The following CAPN9 variants were observed in gnomAD, a reference collection of about 807,000 sequenced individuals.
CAPN9 encodes calpain-9.
In CAPN9, 81 loss-of-function variants were observed where a neutral mutation model predicts 92.8. The ratio of observed to expected loss-of-function variants is 0.87; its 90% CI spans 0.73 to 1.05. The LOEUF (loss-of-function observed/expected upper bound fraction) is 1.05. Ranked by LOEUF, CAPN9 falls within the 50% of genes least tolerant of loss-of-function variation. The pLI, the probability that CAPN9 is intolerant of heterozygous loss-of-function variation, is 0.00. For missense variants in CAPN9, 848 were observed against 866.2 expected (o/e 0.98, Z 0.26); for synonymous variants, 304 against 328.0 (o/e 0.93, Z 0.79).
intron 1 of CAPN9, among the ~76,000 whole-genome samples, chr1:230,754,518 A>C (rs1339118004): frequency 6.6e-6 from 1 of 151,884 alleles, no homozygotes; most frequent in Non-Finnish European, 1.5e-5. Context: ...TGTAAAAAGA[A>C]ACACTGAGCA....
At chr1:230,753,493 A>T (rs1015758151) in intron 1 of CAPN9, among the ~76,000 whole-genome samples, 1 of 152,148 alleles carries the variant, frequency 6.6e-6, no homozygotes, top group African/African-American at 2.4e-5. Flanking sequence ...AATCCCCTTG[A>T]CTTCAAAGAA....
chr1:230,790,748 T>G (rs1287138263), intron 14 of CAPN9, among the ~76,000 whole-genome samples: 1 of 152,196 alleles, frequency 6.6e-6, no homozygotes, highest in Non-Finnish European at 1.5e-5. Context: ...AAGACCAGCC[T>G]GGTCAACATG....
chr1:230,748,073 C>T (rs1169945215), intron 1 of CAPN9, among the ~76,000 whole-genome samples: 2 of 152,156 alleles, frequency 1.3e-5, no homozygotes, highest in Non-Finnish European at 1.5e-5. Context: ...ACTGAGATCA[C>T]GTTATGCACA....
chr1:230,776,125 C>T lies in CAPN9; in HGVS notation c.953+1494C>T, dbSNP rs116070473. On this transcript the variant is annotated intron_variant, in intron 8 of 19. Coordinates refer to ENST00000271971, the MANE Select transcript of CAPN9 (RefSeq NM_006615.3). ...ATTTATTTCTCACAGTTCTAGATACCAGGAAGTCCAAGAAGATGACACAGG... is the reference window on the plus strand; with the variant it reads ...ATTTATTTCTCACAGTTCTAGATACTAGGAAGTCCAAGAAGATGACACAGG... The T allele has an allele frequency of 8.4e-4, 128 of 152,130 alleles. 3 individuals carry two copies. Among genetic ancestry groups the T allele is most frequent in the African/African-American group, 3.0e-3 (125 of 41,482 alleles). 9.4% of individuals were successfully genotyped at this position (152,130 alleles called of 1,614,324 possible).
In CAPN9 at chr1:230,778,956, T is replaced by G; in HGVS notation, c.954-17T>G. ...CTCTTGCCCTCCTGTGCATCGTGTCTCTCCGCTTTGCTGCAGGATGGCATT... is the reference window on the plus strand; with the variant it reads ...CTCTTGCCCTCCTGTGCATCGTGTCGCTCCGCTTTGCTGCAGGATGGCATT... On this transcript the variant is annotated splice_polypyrimidine_tract_variant and intron_variant, in intron 8 of 19. Coordinates refer to ENST00000271971, the MANE Select transcript of CAPN9 (RefSeq NM_006615.3). 1 of 1,610,098 alleles carries G rather than the reference T, an allele frequency of 6.2e-7. No homozygotes were observed. The highest frequency in any genetic ancestry group is 8.5e-7 in the Non-Finnish European group (1 of 1,177,598).
At chr1:230,777,304 A>G (rs1271636528) in intron 8 of CAPN9, among the ~76,000 whole-genome samples, 2 of 151,876 alleles carry the variant, frequency 1.3e-5, no homozygotes, top group East Asian at 3.9e-4. Flanking sequence ...CCCCTCTTGA[A>G]GGAGCAGCCC....
intron 19 of CAPN9, among the ~76,000 whole-genome samples, chr1:230,800,201 G>C (rs1000309943): frequency 9.6e-6 from 1 of 104,116 alleles, no homozygotes; most frequent in Non-Finnish European, 2.1e-5. Context: ...AGAAGGAAAA[G>C]AAAGAAAAGA....
intron 11 of CAPN9, among the ~76,000 whole-genome samples, chr1:230,782,595 T>C (rs528108034): frequency 1.3e-5 from 2 of 152,182 alleles, no homozygotes; most frequent in Non-Finnish European, 2.9e-5. Context: ...CAAAAAAACA[T>C]GATTGCATCA....
intron 5 of CAPN9, among the ~76,000 whole-genome samples, chr1:230,768,820 T>C (rs1362487942): frequency 6.6e-6 from 1 of 152,214 alleles, no homozygotes; most frequent in Non-Finnish European, 1.5e-5. Flanking sequence ...CGCAGAGCTG[T>C]GTGTCCTGTT....
Position 230,779,093 on chromosome 1 carries a change from G to A in CAPN9, c.1074G>A (p.Trp358Ter). ...AGGTGACGGTCCATCAGGGAAGCTG[G>A]GTTCGCGGCTCCACGGCTGGGGGCT... ...KWEVTVHQGS[W>*]VRGSTAGGCR... Residue 358 changes from tryptophan (W) to a stop codon, truncating the protein, a stop_gained, in exon 9 of 20, where the codon TGG becomes TGA. Coordinates refer to ENST00000271971, the MANE Select transcript of CAPN9 (RefSeq NM_006615.3). LOFTEE classifies it high-confidence loss of function. 3 of 1,613,068 alleles carry A rather than the reference G, an allele frequency of 1.9e-6. No individual in the cohort carries two copies. The highest frequency in any genetic ancestry group is 2.2e-5 in the South Asian group (2 of 91,026).
intron 11 of CAPN9, 56 bp downstream of exon 11, chr1:230,780,764 A>C: frequency 6.9e-7 from 1 of 1,440,630 alleles, no homozygotes; most frequent in Non-Finnish European, 9.8e-7. Flanking sequence ...TTATTCACAC[A>C]GAAGTCACCT....
chr1:230,770,531 G>A (rs553733799), intron 6 of CAPN9, among the ~76,000 whole-genome samples: 1 of 152,100 alleles, frequency 6.6e-6, no homozygotes, highest in Non-Finnish European at 1.5e-5. Flanking sequence ...TAATCACCAC[G>A]AGTCCCATTC....
intron 4 of CAPN9, among the ~76,000 whole-genome samples, chr1:230,764,368 C>T (rs1221672422): frequency 1.3e-5 from 2 of 152,234 alleles, no homozygotes; most frequent in Non-Finnish European, 2.9e-5. Flanking sequence ...TGGAGCTCCT[C>T]GTTCTCAAAC....
chr1:230,775,934 AT>A (rs749514012), intron 8 of CAPN9: 50 of 149,650 alleles, frequency 3.3e-4, no homozygotes, highest in Non-Finnish European at 5.6e-4. Context: ...AAAAAAAAAA[AT>A]ACTACAACCC....
At chr1:230,785,904 T>C in intron 11 of CAPN9, 77 bp from the exon 12 acceptor site, 1 of 1,378,276 alleles carries the variant, frequency 7.3e-7, no homozygotes, top group Non-Finnish European at 1.0e-6. Flanking sequence ...CTTCCCAGGC[T>C]CTGGGCTCTT....
intron 11 of CAPN9, among the ~76,000 whole-genome samples, chr1:230,785,486 C>T (rs2102911182): frequency 6.6e-6 from 1 of 152,240 alleles, no homozygotes; most frequent in South Asian, 2.1e-4. Flanking sequence ...TTGGTGCTGT[C>T]TTCACGATAG....
intron 17 of CAPN9, among the ~76,000 whole-genome samples, chr1:230,793,319 G>C (rs1034368579): frequency 5.3e-5 from 8 of 152,202 alleles, no homozygotes; most frequent in Non-Finnish European, 7.3e-5. Context: ...TGTTATCGTG[G>C]ATGAGACAGA....
At chr1:230,767,137 T>C (rs941840493) in intron 4 of CAPN9, among the ~76,000 whole-genome samples, 2 of 151,790 alleles carry the variant, frequency 1.3e-5, no homozygotes, top group South Asian at 4.2e-4. Context: ...CCATGGGAGG[T>C]TAGAGAGTGA....
intron 6 of CAPN9, among the ~76,000 whole-genome samples, chr1:230,770,010 T>C (rs984021046): frequency 4.6e-5 from 7 of 152,208 alleles, no homozygotes; most frequent in Admixed American, 2.0e-4. Context: ...AATGGTAGGC[T>C]ATTCGGAGTT....
Sources: gnomAD v4.1 joint callset for allele counts (sites outside exome capture counted in the v4.1 genomes callset) on GRCh38, gnomAD v4.1.1 for gene constraint, MANE v1.5 for transcripts, NCBI Gene and HGNC (gene_info 2026-07-23, HGNC 2026-07-21) for gene names.